The following FGF12 variants were observed in gnomAD, a reference collection of about 807,000 sequenced individuals.
The protein encoded by FGF12 is fibroblast growth factor 12B.
FGF12 carries 14 observed loss-of-function variants against 23.6 expected under a neutral mutation model. The ratio of observed to expected loss-of-function variants is 0.59; its 90% confidence interval spans 0.39 to 0.93. The LOEUF is 0.93. FGF12 is among the 40% of genes least tolerant of loss of function. The pLI, the probability that FGF12 is intolerant of heterozygous loss-of-function variation, is 0.00. For synonymous variants in FGF12, 62 were observed against 77.3 expected (o/e 0.80, Z 1.04); for missense variants, 175 against 217.8 (o/e 0.80, Z 1.24).
intron 4 of FGF12, among the ~76,000 whole-genome samples, chr3:192,176,890 C>A (rs73887255): frequency 0.085 from 12,967 of 152,194 alleles, 718 homozygotes; most frequent in African/African-American, 0.16. Flanking sequence ...CTGTCTCCAA[C>A]TAACACATTC....
intron 2 of FGF12, among the ~76,000 whole-genome samples, chr3:192,394,181 T>G (rs913456540): frequency 5.9e-5 from 9 of 152,330 alleles, no homozygotes; most frequent in Non-Finnish European, 1.0e-4. Flanking sequence ...TAAACGTATT[T>G]TCTATTAAAA....
intron 4 of FGF12, among the ~76,000 whole-genome samples, chr3:192,259,970 G>A (rs144821514): frequency 6.6e-6 from 1 of 152,168 alleles, no homozygotes; most frequent in African/African-American, 2.4e-5. Flanking sequence ...TCTTCACTGT[G>A]GATGCTTTTG....
intron 4 of FGF12, among the ~76,000 whole-genome samples, chr3:192,304,530 AT>A (rs150370893): frequency 0.02 from 3,054 of 152,202 alleles, 100 homozygotes; most frequent in African/African-American, 0.07. Context: ...AGACCAGGAA[AT>A]TTTTTTAAAG....
At chr3:192,286,461 G>T (rs564568399) in intron 4 of FGF12, among the ~76,000 whole-genome samples, 1 of 151,982 alleles carries the variant, frequency 6.6e-6, no homozygotes, top group Non-Finnish European at 1.5e-5. Flanking sequence ...TTTTTCAGTT[G>T]CTTAGAATGA....
At chr3:192,625,731 G>T (rs1715143188) in intron 2 of FGF12, among the ~76,000 whole-genome samples, 1 of 151,896 alleles carries the variant, frequency 6.6e-6, no homozygotes, top group South Asian at 2.1e-4. Context: ...ATCCCAAAGG[G>T]TATTTAGGTA....
At chr3:192,191,756 A>G (rs1190266980) in intron 4 of FGF12, among the ~76,000 whole-genome samples, 1 of 152,074 alleles carries the variant, frequency 6.6e-6, no homozygotes, top group African/African-American at 2.4e-5. Flanking sequence ...GAATGGCACG[A>G]ACCCGGGAGG....
chr3:192,555,609 C>A (rs1457471104), intron 2 of FGF12, among the ~76,000 whole-genome samples: 1 of 145,178 alleles, frequency 6.9e-6, no homozygotes, highest in Non-Finnish European at 1.5e-5. Context: ...ATAGCGAGAC[C>A]CTGTCTTTAC....
chr3:192,709,485 G>A (rs1425175738), intron 2 of FGF12, among the ~76,000 whole-genome samples: 2 of 152,102 alleles, frequency 1.3e-5, no homozygotes, highest in African/African-American at 4.8e-5. Flanking sequence ...AAATAATTGG[G>A]CTTTTGGGTG....
At chr3:192,718,569 G>A (rs147010009) in intron 2 of FGF12, among the ~76,000 whole-genome samples, 28 of 152,190 alleles carry the variant, frequency 1.8e-4, no homozygotes, top group Non-Finnish European at 1.8e-4. Context: ...ACTGAAGATG[G>A]GGCGGGAATT....
chr3:192,240,583 G>A lies in FGF12; in HGVS notation c.229-69927C>T, dbSNP rs897751731. Among the ~76,000 whole-genome samples the A allele has an allele frequency of 3.9e-5, 6 of 152,196 alleles. No individual in the cohort carries two copies. In the South Asian group the frequency reaches 1.0e-3, roughly 26 times the overall value. On this transcript the variant is annotated intron_variant, in intron 4 of 5. Coordinates refer to ENST00000445105, the MANE Select transcript of FGF12 (RefSeq NM_004113.6). ...TTGACTTCAAACTGCTCAGAATCTG[G>A]TAAAATAGATGACCTAGTGCACAGT...
intron 2 of FGF12, among the ~76,000 whole-genome samples, chr3:192,688,069 T>C (rs1717818983): frequency 6.6e-6 from 1 of 152,090 alleles, no homozygotes; most frequent in African/African-American, 2.4e-5. Context: ...CCGCCACAGC[T>C]GAGCACACGC....
In FGF12 at chr3:192,483,705, A is replaced by T. The variant is rs530588152; in HGVS notation, c.14-123167T>A. Among the ~76,000 whole-genome samples, 15 of 152,184 alleles carry T rather than the reference A, an allele frequency of 9.9e-5. No homozygotes were observed. The East Asian group carries it at 2.5e-3, about 26-fold the overall frequency. On this transcript the variant is annotated intron_variant, in intron 2 of 5. Coordinates refer to ENST00000445105, the MANE Select transcript of FGF12 (RefSeq NM_004113.6). ...GAAGTGTAGCTGAGGTGGAGTTTGA[A>T]GGAAGGTTACTATTTGGATGCATTA...
intron 4 of FGF12, among the ~76,000 whole-genome samples, chr3:192,191,088 C>G (rs940106465): frequency 6.6e-6 from 1 of 152,172 alleles, no homozygotes; most frequent in Non-Finnish European, 1.5e-5. Context: ...GAAGGTACAT[C>G]TTTCCCATCA....
chr3:192,342,824 G>A (rs1199173874), intron 3 of FGF12, among the ~76,000 whole-genome samples: 2 of 151,984 alleles, frequency 1.3e-5, no homozygotes, highest in African/African-American at 4.8e-5. Context: ...CAATGATACT[G>A]CACCAAAAAA....
At chr3:192,619,582 A>T (rs1367306584) in intron 2 of FGF12, among the ~76,000 whole-genome samples, 1 of 152,092 alleles carries the variant, frequency 6.6e-6, no homozygotes, top group African/African-American at 2.4e-5. Context: ...GCTGGCACTA[A>T]TTTGAGGACT....
intron 2 of FGF12, among the ~76,000 whole-genome samples, chr3:192,506,863 C>T (rs1407957233): frequency 6.6e-6 from 1 of 151,062 alleles, no homozygotes; most frequent in African/African-American, 2.4e-5. Flanking sequence ...GCGAATCTGA[C>T]CTCCCATCTA....
At chr3:192,356,296 C>T (rs958927541) in intron 3 of FGF12, among the ~76,000 whole-genome samples, 1 of 152,154 alleles carries the variant, frequency 6.6e-6, no homozygotes, top group African/African-American at 2.4e-5. Context: ...ACTTGTCAGG[C>T]AGCCCATTCC....
Position 192,684,787 on chromosome 3 carries a change from T to G in FGF12, c.13+42394A>C, listed in dbSNP as rs546632330. ...CTTTTTCTTTATCCATTCAATATTT[T>G]TCAGTCTACAAAGTTCATTCATATC... On this transcript the variant is annotated intron_variant, in intron 2 of 5. Coordinates refer to ENST00000445105, the MANE Select transcript of FGF12 (RefSeq NM_004113.6). Among the ~76,000 whole-genome samples, 4 of 152,334 alleles carry G rather than the reference T, an allele frequency of 2.6e-5. No homozygotes were observed. The East Asian group carries it at 7.7e-4, about 29-fold the overall frequency.
Position 192,293,022 on chromosome 3 carries a change from C to T in FGF12, c.228+42339G>A, listed in dbSNP as rs6771596. On this transcript the variant is annotated intron_variant, in intron 4 of 5. Transcript: ENST00000445105. ...CTCGAACTCCTGGCCTCAAGCAGTC[C>T]TCCCACTTCATCCTACCAACGTGCT... is the stretch of plus-strand genomic sequence containing the variant. Among the ~76,000 whole-genome samples the T allele has an allele frequency of 8.7e-3, 1,324 of 152,132 alleles. 17 individuals carry two copies. Among genetic ancestry groups the T allele is most frequent in the African/African-American group, 0.031 (1,275 of 41,500 alleles).
Sources: gnomAD v4.1 joint callset for allele counts (sites outside exome capture counted in the v4.1 genomes callset) on GRCh38, gnomAD v4.1.1 for gene constraint, MANE v1.5 for transcripts, NCBI Gene and HGNC (gene_info 2026-07-23, HGNC 2026-07-21) for gene names.